The following ZW10 variants were observed in gnomAD, a reference collection of about 807,000 sequenced individuals.
The protein encoded by ZW10 is centromere/kinetochore protein zw10 homolog.
ZW10 carries 53 observed loss-of-function variants against 87.8 expected under a neutral mutation model. The ratio of observed to expected loss-of-function variants is 0.60; its 90% CI spans 0.48 to 0.76. The LOEUF is 0.76. ZW10 is among the 30% of genes least tolerant of loss of function. The pLI is 0.00. For synonymous variants in ZW10, 312 were observed against 329.2 expected (o/e 0.95, Z 0.57); for missense variants, 837 against 923.0 (o/e 0.91, Z 1.21).
Position 113,743,801 on chromosome 11 carries a change from C to T in ZW10, c.1511+1G>A. On this transcript the variant is annotated splice_donor_variant, in intron 10 of 15. Transcript: ENST00000200135. LOFTEE classifies it high-confidence loss of function. ...ATTTTCACACAACCCAGAATTCGTA[C>T]CATTGATCACTACTGGTTGTTGCCT... 1 of 1,610,932 alleles carries T rather than the reference C, an allele frequency of 6.2e-7. No homozygotes were observed. Among genetic ancestry groups the T allele is most frequent in the Non-Finnish European group, 8.5e-7 (1 of 1,177,150 alleles).
chr11:113,770,903 T>C (rs959199823), intron 1 of ZW10, among the ~76,000 whole-genome samples: 3 of 151,098 alleles, frequency 2.0e-5, no homozygotes, highest in Admixed American at 6.6e-5. Flanking sequence ...TAGATGAAGG[T>C]TGCACGTTGC....
At chr11:113,768,000 TCTAA>T (rs1459960021) in intron 2 of ZW10, among the ~76,000 whole-genome samples, 7 of 152,200 alleles carry the variant, frequency 4.6e-5, no homozygotes, top group Non-Finnish European at 2.9e-5. Flanking sequence ...ATCTCCTCTC[TCTAA>T]CTGTATTACT....
chr11:113,768,814 T>C lies in ZW10; in HGVS notation c.240+19A>G, dbSNP rs1387901567. 1 of 1,613,424 alleles carries C rather than the reference T, an allele frequency of 6.2e-7. No homozygotes were observed. On this transcript the variant is annotated intron_variant, in intron 2 of 15. Transcript: ENST00000200135. Reference sequence around the variant, plus strand: ...ACCACCTCCCTACAAACCTACCCAATATAACAAATTATCCTTACCTCACTC... The same window carrying C: ...ACCACCTCCCTACAAACCTACCCAACATAACAAATTATCCTTACCTCACTC...
chr11:113,760,689 TCTA>T, intron 3 of ZW10, 99 bp from the exon 4 acceptor site: 2 of 734,352 alleles, frequency 2.7e-6, no homozygotes, highest in Non-Finnish European at 4.0e-6. Flanking sequence ...CCCTCCCCCC[TCTA>T]AAAAAAAAAA....
At position 113,733,673 on chromosome 11, in the gene ZW10, A is replaced by G. The variant is rs1289641636; in HGVS notation, c.*21T>C. 6.2e-7 allele frequency: 1 copy of G among 1,613,634 alleles called. No homozygotes were observed. The highest frequency in any genetic ancestry group is 8.5e-7 in the Non-Finnish European group (1 of 1,179,994). On this transcript the variant is annotated 3_prime_UTR_variant, in exon 16 of 16. Transcript: ENST00000200135. ...GGAAGAATCCACATATTCAAGACAT[A>G]GCTTTCTTAAGAAGATGGAGCTATT...
intron 13 of ZW10, 133 bp downstream of exon 13, chr11:113,738,131 A>AT (rs1056508495): frequency 4.0e-6 from 4 of 1,001,162 alleles, no homozygotes; most frequent in Non-Finnish European, 5.5e-6. Flanking sequence ...AGGTATCTAG[A>AT]TTTTCCAAAG....
At chr11:113,751,018 A>G (rs1341825013) in intron 7 of ZW10, 1 of 98,306 alleles carries the variant, frequency 1.0e-5, no homozygotes, top group African/African-American at 4.4e-5. Flanking sequence ...AACTGCAAAT[A>G]CTTTTTTTTT....
In ZW10 at chr11:113,737,673, C is replaced by T; in HGVS notation, c.1915G>A (p.Val639Met). The change falls in exon 14 of 16, where the codon GTG (valine) becomes ATG (methionine). Residue 639 changes from valine to methionine, a missense_variant. Transcript: ENST00000200135. ...TTCACTGGCAGGACATCCTGCCACA[C>T]AATTCCAAGTCTCTTTAGTTGGTGC... ...VLHQLKRLGI[V>M]WQDVLPVNIY... is the part of the protein sequence containing the mutation. The T allele has an allele frequency of 6.2e-7, 1 of 1,613,330 alleles. No homozygotes were observed. Among genetic ancestry groups the T allele is most frequent in the Non-Finnish European group, 8.5e-7 (1 of 1,179,442 alleles).
chr11:113,735,305 G>C (rs1953539589), intron 15 of ZW10, among the ~76,000 whole-genome samples: 1 of 152,234 alleles, frequency 6.6e-6, no homozygotes, highest in African/African-American at 2.4e-5. Context: ...TTTAACAACA[G>C]AAAGAAAAAT....
chr11:113,770,425 T>C (rs1335115473), intron 1 of ZW10: 3 of 151,170 alleles, frequency 2.0e-5, no homozygotes, highest in Middle Eastern at 3.4e-3. Context: ...GGATGATACA[T>C]GTTTGCAAGA....
chr11:113,765,991 G>A (rs532772106), intron 2 of ZW10, among the ~76,000 whole-genome samples: 1 of 152,272 alleles, frequency 6.6e-6, no homozygotes. Flanking sequence ...CTGGGCAACT[G>A]ATGCAAAAAT....
At chr11:113,769,554 G>A (rs1953942273) in intron 1 of ZW10, 1 of 184,558 alleles carries the variant, frequency 5.4e-6, no homozygotes, top group South Asian at 1.0e-4. Context: ...ACTGAATACT[G>A]TGTATTGAAT....
At chr11:113,752,972 GT>G (rs969560342) in intron 7 of ZW10, among the ~76,000 whole-genome samples, 4 of 151,986 alleles carry the variant, frequency 2.6e-5, no homozygotes, top group Admixed American at 2.6e-4. Flanking sequence ...AAAAGACTGG[GT>G]TTTTTTAGTG....
chr11:113,772,648 A>T (rs1937646861), intron 1 of ZW10, among the ~76,000 whole-genome samples: 1 of 152,144 alleles, frequency 6.6e-6, no homozygotes, highest in Non-Finnish European at 1.5e-5. Flanking sequence ...CACTCAGCAC[A>T]GCTTCATGTG....
At chr11:113,764,146 G>C (rs1478451685) in intron 2 of ZW10, among the ~76,000 whole-genome samples, 1 of 152,124 alleles carries the variant, frequency 6.6e-6, no homozygotes, top group Non-Finnish European at 1.5e-5. Context: ...GTTTTTGTCA[G>C]GTTTGTCAAA....
In ZW10 at chr11:113,762,473, A is replaced by T. The variant is rs530508293; in HGVS notation, c.241-1555T>A. ...TTATTTTTAAAAATTTTCTTTCTTC[A>T]TAATAAATTAACATTAGCTTACTGT... is the stretch of plus-strand genomic sequence containing the variant. On this transcript the variant is annotated intron_variant, in intron 2 of 15. Transcript: ENST00000200135. Among the ~76,000 whole-genome samples, 12 of 152,252 alleles carry T rather than the reference A, an allele frequency of 7.9e-5. No homozygotes were observed. In the South Asian group the frequency reaches 2.3e-3, roughly 29 times the overall value.
intron 2 of ZW10, among the ~76,000 whole-genome samples, chr11:113,766,110 C>T (rs1269644466): frequency 6.6e-6 from 1 of 152,190 alleles, no homozygotes; most frequent in Non-Finnish European, 1.5e-5. Context: ...GTGACTCAAG[C>T]CTGTAATCCC....
intron 2 of ZW10, among the ~76,000 whole-genome samples, chr11:113,768,255 C>A (rs1230415918): frequency 2.0e-5 from 3 of 152,200 alleles, no homozygotes; most frequent in Non-Finnish European, 2.9e-5. Flanking sequence ...CTTCCCAAGG[C>A]TAAACATCCT....
Position 113,757,798 on chromosome 11 carries a change from A to C in ZW10, c.789T>G (p.His263Gln). 1 of 1,613,598 alleles carries C rather than the reference A, an allele frequency of 6.2e-7. No individual in the cohort carries two copies. Among genetic ancestry groups the C allele is most frequent in the Non-Finnish European group, 8.5e-7 (1 of 1,179,648 alleles). The change falls in exon 7 of 16, where the codon CAT (histidine) becomes CAG (glutamine). Residue 263 changes from histidine to glutamine, a missense_variant. Coordinates refer to ENST00000200135, the MANE Select transcript of ZW10 (RefSeq NM_004724.4). ...TGTTAGGCTGGCTTTCTATCACAGC[A>C]TGAAGGGATGGGCAAGATGCCAGCG... Reference protein sequence around the residue: ...LRPLASCPSLHAVIESQPNIV... With the variant: ...LRPLASCPSLQAVIESQPNIV...
Sources: gnomAD v4.1 joint callset for allele counts (sites outside exome capture counted in the v4.1 genomes callset) on GRCh38, gnomAD v4.1.1 for gene constraint, MANE v1.5 for transcripts, NCBI Gene and HGNC (gene_info 2026-07-23, HGNC 2026-07-21) for gene names.